The following CDYL2 variants were observed in gnomAD, a reference collection of about 807,000 sequenced individuals.
CDYL2 encodes chromodomain Y-like protein 2.
CDYL2 carries 23 observed loss-of-function variants against 49.4 expected under a neutral mutation model. The observed-to-expected ratio is 0.47, with a 90% CI of 0.34 to 0.66. The LOEUF (loss-of-function observed/expected upper bound fraction) is 0.66. Among genes scored for constraint, CDYL2 ranks in the 30% least tolerant of loss-of-function variants. The pLI is 0.01. For missense variants in CDYL2, 678 were observed against 656.4 expected (o/e 1.03, Z -0.36); for synonymous variants, 360 against 268.8 (o/e 1.34, Z -3.32).
At chr16:80,751,197 G>A (rs1432845339) in intron 1 of CDYL2, among the ~76,000 whole-genome samples, 2 of 152,116 alleles carry the variant, frequency 1.3e-5, no homozygotes, top group East Asian at 1.9e-4. Context: ...CTCCACTTCC[G>A]GCCAAAACTG....
intron 1 of CDYL2, among the ~76,000 whole-genome samples, chr16:80,699,188 C>CT (rs1208598085): frequency 6.6e-6 from 1 of 152,146 alleles, no homozygotes; most frequent in African/African-American, 2.4e-5. Flanking sequence ...ATCAGTATGT[C>CT]TAAGATATAC....
chr16:80,655,341 G>C (rs918319030), intron 2 of CDYL2, among the ~76,000 whole-genome samples: 12 of 152,196 alleles, frequency 7.9e-5, no homozygotes, highest in Non-Finnish European at 1.3e-4. Flanking sequence ...CTATGGGCTA[G>C]GTATCTACCA....
intron 1 of CDYL2, among the ~76,000 whole-genome samples, chr16:80,701,045 C>G (rs1904297855): frequency 6.6e-6 from 1 of 152,182 alleles, no homozygotes; most frequent in Non-Finnish European, 1.5e-5. Context: ...GAGAAATAAA[C>G]CCCTGCAGTC....
At chr16:80,801,968 G>C (rs542008557) in intron 1 of CDYL2, among the ~76,000 whole-genome samples, 1 of 152,064 alleles carries the variant, frequency 6.6e-6, no homozygotes, top group African/African-American at 2.4e-5. Context: ...CAAATAATCA[G>C]CCATGGGAAA....
intron 2 of CDYL2, among the ~76,000 whole-genome samples, chr16:80,668,899 AAAT>A (rs1431740039): frequency 1.3e-5 from 2 of 152,120 alleles, no homozygotes; most frequent in South Asian, 4.2e-4. Flanking sequence ...ACACCATCTC[AAAT>A]AATAATAATA....
At chr16:80,683,089 G>T (rs765213998) in intron 2 of CDYL2, among the ~76,000 whole-genome samples, 3 of 152,140 alleles carry the variant, frequency 2.0e-5, no homozygotes, top group African/African-American at 7.2e-5. Flanking sequence ...ATCTACCATC[G>T]TCACACTGAA....
chr16:80,612,852 G>C lies in CDYL2; in HGVS notation c.1008-16C>G. On this transcript the variant is annotated splice_polypyrimidine_tract_variant and intron_variant, in intron 4 of 6. Transcript: ENST00000570137. This position sits in a 1 kb window ranked among gnomAD's most constrained non-coding sequence, Gnocchi z 5.0. ...CACAAAGTCCCTGGGAGAGAAAGAA[G>C]ATCCTCTTGAACAGGTGACTATAGC... 2.5e-6 allele frequency: 4 copies of C among 1,594,400 alleles called. No individual in the cohort carries two copies. Among genetic ancestry groups the C allele is most frequent in the Non-Finnish European group, 3.4e-6 (4 of 1,169,296 alleles).
chr16:80,684,474 T>C, intron 2 of CDYL2, 64 bp downstream of exon 2: 6 of 1,488,488 alleles, frequency 4.0e-6, no homozygotes, highest in Non-Finnish European at 5.5e-6. Context: ...GTCCCTAGGC[T>C]ACAGGCAGAG....
chr16:80,769,429 G>T (rs867451435), intron 1 of CDYL2, among the ~76,000 whole-genome samples: 1 of 152,172 alleles, frequency 6.6e-6, no homozygotes, highest in Non-Finnish European at 1.5e-5. Flanking sequence ...ACTATAAAAG[G>T]TGGGTATCAT....
At chr16:80,692,665 T>G (rs1042984619) in intron 1 of CDYL2, among the ~76,000 whole-genome samples, 1 of 152,224 alleles carries the variant, frequency 6.6e-6, no homozygotes, top group Admixed American at 6.5e-5. Flanking sequence ...AAAGGATTAC[T>G]TGCATATATA....
chr16:80,683,300 C>T (rs941909897), intron 2 of CDYL2, among the ~76,000 whole-genome samples: 2 of 152,204 alleles, frequency 1.3e-5, no homozygotes, highest in East Asian at 1.9e-4. Context: ...GAGACAAATG[C>T]CACCAGGTAG....
chr16:80,676,077 T>A (rs1231958187), intron 2 of CDYL2, among the ~76,000 whole-genome samples: 1 of 152,010 alleles, frequency 6.6e-6, no homozygotes, highest in African/African-American at 2.4e-5. Flanking sequence ...CTGCCATAGG[T>A]CAAGTTGCTC....
At chr16:80,684,036 CGTG>C (rs1910074589) in intron 2 of CDYL2, among the ~76,000 whole-genome samples, 1 of 152,224 alleles carries the variant, frequency 6.6e-6, no homozygotes, top group Admixed American at 6.5e-5. Context: ...CAGGCACTGG[CGTG>C]GTGAACTCCA....
intron 2 of CDYL2, among the ~76,000 whole-genome samples, chr16:80,638,602 G>A (rs926711542): frequency 2.0e-5 from 3 of 151,132 alleles, no homozygotes; most frequent in African/African-American, 4.9e-5. Context: ...TCAAGACAGC[G>A]TGGTGTTGCT....
chr16:80,689,069 TATGAATGA>T (rs3077555), intron 1 of CDYL2, among the ~76,000 whole-genome samples: 38 of 152,136 alleles, frequency 2.5e-4, no homozygotes, highest in African/African-American at 8.2e-4. Flanking sequence ...TATTTGCACA[TATGAATGA>T]ATGAATGAAT....
At chr16:80,743,274 C>A (rs58467760) in intron 1 of CDYL2, among the ~76,000 whole-genome samples, 1 of 152,150 alleles carries the variant, frequency 6.6e-6, no homozygotes, top group Non-Finnish European at 1.5e-5. Flanking sequence ...AAATGGTAAG[C>A]GCAGACATTG....
intron 1 of CDYL2, among the ~76,000 whole-genome samples, chr16:80,761,768 T>C (rs1009703268): frequency 1.3e-5 from 2 of 150,244 alleles, no homozygotes; most frequent in African/African-American, 4.9e-5. Context: ...TATATGTTAA[T>C]AAAAATACAA....
chr16:80,785,390 A>T (rs941396380), intron 1 of CDYL2, among the ~76,000 whole-genome samples: 6 of 152,214 alleles, frequency 3.9e-5, no homozygotes, highest in Non-Finnish European at 2.9e-5. Context: ...TAAAATACCT[A>T]GGAGTACAAC....
chr16:80,637,051 C>T (rs1282430004), intron 2 of CDYL2, among the ~76,000 whole-genome samples: 1 of 152,034 alleles, frequency 6.6e-6, no homozygotes, highest in Non-Finnish European at 1.5e-5. Flanking sequence ...CGGGGCTTGT[C>T]TGGGGGTGGA....
Sources: gnomAD v4.1 joint callset for allele counts (sites outside exome capture counted in the v4.1 genomes callset) on GRCh38, gnomAD v4.1.1 for gene constraint, Gnocchi (gnomAD v3.1) non-coding constraint, MANE v1.5 for transcripts, NCBI Gene and HGNC (gene_info 2026-07-23, HGNC 2026-07-21) for gene names.